The following BPNT1 variants were observed in gnomAD, a reference collection of about 807,000 sequenced individuals.
BPNT1 encodes 3'(2'), 5'-bisphosphate nucleotidase 1.
BPNT1 carries 28 observed loss-of-function variants against 36.9 expected under a neutral mutation model. The ratio of observed to expected loss-of-function variants is 0.76; its 90% CI spans 0.56 to 1.04. BPNT1 has a LOEUF of 1.04. Ranked by LOEUF, BPNT1 falls within the 50% of genes least tolerant of loss-of-function variation. The pLI is 0.00. For missense variants in BPNT1, 313 were observed against 372.9 expected, an observed-to-expected ratio of 0.84 and a Z score of 1.32; for synonymous variants, 119 against 130.9, an observed-to-expected ratio of 0.91 and a Z score of 0.62.
Position 220,057,889 on chromosome 1 carries a change from TG to T in BPNT1, c.*954del. ...GAAAAAATTGTGCCCTAAAGAAATC[TG>T]GTTTAGGCCAGGTGCGGTGGCTCAC... On this transcript the variant is annotated 3_prime_UTR_variant, in exon 9 of 9. Transcript: ENST00000322067. 1 of 1,302,424 alleles carries T rather than the reference TG, an allele frequency of 7.7e-7. No individual in the cohort carries two copies. Among genetic ancestry groups the T allele is most frequent in the Non-Finnish European group, 1.0e-6 (1 of 988,184 alleles). 80.7% of individuals were successfully genotyped at this position (1,302,424 alleles called of 1,614,324 possible). A position where few individuals can be genotyped will look rare whatever the true frequency, so the allele number is the denominator to read the frequency against.
Position 220,070,303 on chromosome 1 carries a change from T to C in BPNT1, c.334-871A>G, listed in dbSNP as rs191030605. 9.3e-4 allele frequency among the ~76,000 whole-genome samples: 142 copies of C among 152,238 alleles called. No homozygotes were observed. In the Middle Eastern group the frequency reaches 0.01, roughly 11 times the overall value. On this transcript the variant is annotated intron_variant, in intron 4 of 8. Transcript: ENST00000322067. ...TGATAACATTATGTGAATTTCTGAG[T>C]GAGGGCATGTTTCTGATGGAGAACA...
chr1:220,073,155 GT>G (rs1664221573), intron 3 of BPNT1, among the ~76,000 whole-genome samples, 198 bp from the exon 4 acceptor site: 1 of 152,132 alleles, frequency 6.6e-6, no homozygotes, highest in Non-Finnish European at 1.5e-5. Context: ...TGACTAAATG[GT>G]TCCAGTGTCA....
At chr1:220,068,765 G>A (rs1402069743) in intron 5 of BPNT1, among the ~76,000 whole-genome samples, 1 of 152,260 alleles carries the variant, frequency 6.6e-6, no homozygotes, top group Non-Finnish European at 1.5e-5. Context: ...AGCCGAGATG[G>A]TGCCACTGCA....
At chr1:220,078,408 T>A (rs1212930755) in intron 2 of BPNT1, among the ~76,000 whole-genome samples, 1 of 142,550 alleles carries the variant, frequency 7.0e-6, no homozygotes, top group Non-Finnish European at 1.5e-5. Context: ...ATATAAATAA[T>A]AATTTATAAT....
chr1:220,072,768 C>A, intron 4 of BPNT1, 82 bp downstream of exon 4: 2 of 1,170,940 alleles, frequency 1.7e-6, no homozygotes, highest in South Asian at 1.3e-5. Flanking sequence ...ACCAATTTTT[C>A]ATCTTACATG....
intron 7 of BPNT1, among the ~76,000 whole-genome samples, chr1:220,060,999 T>C (rs1662976178): frequency 6.6e-6 from 1 of 152,160 alleles, no homozygotes; most frequent in African/African-American, 2.4e-5. Context: ...AAGATAAAGA[T>C]TGTTGAGACC....
chr1:220,073,232 C>A (rs1664228906), intron 3 of BPNT1, among the ~76,000 whole-genome samples: 1 of 152,058 alleles, frequency 6.6e-6, no homozygotes, highest in African/African-American at 2.4e-5. Flanking sequence ...AAACAAGTGT[C>A]TCTGACAGCA....
chr1:220,069,696 G>A (rs1374694813), intron 4 of BPNT1, among the ~76,000 whole-genome samples: 1 of 152,164 alleles, frequency 6.6e-6, no homozygotes, highest in Non-Finnish European at 1.5e-5. Flanking sequence ...CGCACTTTGA[G>A]AGGCCGAGGC....
chr1:220,063,630 G>C (rs1374754508), intron 6 of BPNT1, among the ~76,000 whole-genome samples: 2 of 152,102 alleles, frequency 1.3e-5, no homozygotes, highest in Non-Finnish European at 2.9e-5. Context: ...ACCATGTATT[G>C]ATAACTACTT....
At chr1:220,063,079 T>C in intron 6 of BPNT1, 125 bp from the exon 7 acceptor site, 3 of 1,042,696 alleles carry the variant, frequency 2.9e-6, no homozygotes, top group Non-Finnish European at 4.2e-6. Flanking sequence ...CCGGGCGCGG[T>C]GGCTCATGCC....
chr1:220,078,596 T>C (rs1033528792), intron 2 of BPNT1, among the ~76,000 whole-genome samples: 37 of 145,190 alleles, frequency 2.5e-4, no homozygotes, highest in African/African-American at 5.6e-4. Flanking sequence ...ATAACACACA[T>C]ATATATATAT....
intron 7 of BPNT1, among the ~76,000 whole-genome samples, chr1:220,061,130 A>G (rs1662990069): frequency 6.6e-6 from 1 of 152,180 alleles, no homozygotes; most frequent in South Asian, 2.1e-4. Flanking sequence ...AGAGCTAGCT[A>G]TGTTAATAGA....
At chr1:220,081,007 C>G (rs1179285290) in intron 1 of BPNT1, among the ~76,000 whole-genome samples, 2 of 152,186 alleles carry the variant, frequency 1.3e-5, no homozygotes, top group Non-Finnish European at 2.9e-5. Flanking sequence ...CTCTGTCGCC[C>G]AGGATGGATT....
chr1:220,065,164 GA>G (rs1431093491), intron 6 of BPNT1, among the ~76,000 whole-genome samples: 1 of 152,152 alleles, frequency 6.6e-6, no homozygotes, highest in East Asian at 1.9e-4. Context: ...ATAAAGGAAA[GA>G]AAACAGTGGA....
intron 1 of BPNT1, among the ~76,000 whole-genome samples, chr1:220,087,428 G>A (rs1300683005): frequency 1.3e-5 from 2 of 152,034 alleles, no homozygotes; most frequent in African/African-American, 4.8e-5. Context: ...GGTGGCACGC[G>A]CCTGTAATCC....
At chr1:220,070,552 A>G (rs1663970785) in intron 4 of BPNT1, among the ~76,000 whole-genome samples, 1 of 151,446 alleles carries the variant, frequency 6.6e-6, no homozygotes, top group South Asian at 2.1e-4. Context: ...TCACCGTGTT[A>G]GCGGATTCAG....
At chr1:220,082,085 T>TATATATAGAGAGAGAGAGAG (rs1171093697) in intron 1 of BPNT1, among the ~76,000 whole-genome samples, 1 of 103,296 alleles carries the variant, frequency 9.7e-6, no homozygotes, top group African/African-American at 3.8e-5. Context: ...TATATATATA[T>TATATATAGAGAGAGAGAGAG]AGAGAGAGAG....
At chr1:220,070,581 C>T (rs897985920) in intron 4 of BPNT1, among the ~76,000 whole-genome samples, 1 of 151,870 alleles carries the variant, frequency 6.6e-6, no homozygotes, top group Non-Finnish European at 1.5e-5. Flanking sequence ...CCTGCCTCAG[C>T]CTCCCAAGTA....
At chr1:220,073,429 C>T (rs1247896607) in intron 3 of BPNT1, among the ~76,000 whole-genome samples, 1 of 152,094 alleles carries the variant, frequency 6.6e-6, no homozygotes, top group Non-Finnish European at 1.5e-5. Context: ...GCTGGGATTA[C>T]AGGCATTCAC....
Sources: allele counts gnomAD v4.1 joint callset (sites outside exome capture counted in the v4.1 genomes callset), GRCh38; gene constraint gnomAD v4.1.1; transcripts MANE v1.5; gene names NCBI Gene and HGNC (gene_info 2026-07-23, HGNC 2026-07-21).